The following OTC variants were observed in gnomAD, a reference collection of about 807,000 sequenced individuals.
The protein encoded by OTC is ornithine transcarbamylase, also known as ornithine transcarbamylase, mitochondrial.
Under a neutral mutation model 30.3 loss-of-function variants are expected in OTC, and 3 were observed. The observed-to-expected ratio is 0.10, with a 90% CI of 0.05 to 0.26. The LOEUF is 0.26. Ranked by LOEUF, OTC falls within the 10% of genes least tolerant of loss-of-function variation. The probability of loss-of-function intolerance (pLI) is 1.00; values close to 1 mark genes in which losing one functional copy is unlikely to be tolerated. For missense variants in OTC, 194 were observed against 260.3 expected (o/e 0.75, Z 1.75); for synonymous variants, 111 against 99.7 (o/e 1.11, Z -0.67).
the OTC span, among the ~76,000 whole-genome samples, chrX:38,341,448 A>G: frequency 8.9e-6 from 1 of 112,089 alleles, no homozygotes; most frequent in East Asian, 2.8e-4. Context: ...CTCTAGAGTC[A>G]TTCTGTGTTC....
chrX:38,353,430 T>A (rs1274439806), intron 1 of OTC, among the ~76,000 whole-genome samples: 3 of 110,618 alleles, frequency 2.7e-5, no homozygotes, highest in African/African-American at 9.9e-5. Flanking sequence ...GGGAGATGAG[T>A]TAGCTGGGTA....
At chrX:38,405,265 C>T in intron 6 of OTC, among the ~76,000 whole-genome samples, 1 of 111,841 alleles carries the variant, frequency 8.9e-6, no homozygotes, top group Non-Finnish European at 1.9e-5. Context: ...GCTGCCATAA[C>T]AAATTACTAC....
chrX:38,352,166 C>T (rs893164302), upstream of OTC, among the ~76,000 whole-genome samples: 1 of 65,680 alleles, frequency 1.5e-5, no homozygotes, highest in Non-Finnish European at 3.1e-5. Context: ...CCCAAAATAG[C>T]TTCCAGGGCA....
chrX:38,370,541 A>G (rs995822681), intron 3 of OTC, among the ~76,000 whole-genome samples: 2 of 111,598 alleles, frequency 1.8e-5, no homozygotes, highest in African/African-American at 3.3e-5. Context: ...GAGACAACCA[A>G]GTATAAAGGG....
At chrX:38,360,056 G>A (rs974675021) in intron 1 of OTC, among the ~76,000 whole-genome samples, 1 of 108,560 alleles carries the variant, frequency 9.2e-6, no homozygotes, top group African/African-American at 3.4e-5. Flanking sequence ...GAGTAGCTGG[G>A]ATTACAGGTG....
chrX:38,357,124 C>T (rs920777722), intron 1 of OTC, among the ~76,000 whole-genome samples: 1 of 111,564 alleles, frequency 9.0e-6, no homozygotes, highest in Non-Finnish European at 1.9e-5. Flanking sequence ...TCGCTAATTT[C>T]GTTCACTTTA....
At chrX:38,373,046 A>C (rs2068330089) in intron 3 of OTC, among the ~76,000 whole-genome samples, 1 of 112,249 alleles carries the variant, frequency 8.9e-6, no homozygotes. Flanking sequence ...CATGTTTATT[A>C]AAGTGTAACA....
rs781033717 is a variant in OTC at position 38,408,791 on chromosome X, A to G, written c.713A>G (p.Lys238Arg). 1.4e-5 allele frequency: 17 copies of G among 1,204,392 alleles called. No homozygotes were observed. The highest frequency in any genetic ancestry group is 1.9e-5 in the Non-Finnish European group (17 of 889,993). Residue 238 changes from lysine to arginine, a missense_variant, in exon 7 of 10, where the codon AAA (lysine) becomes AGA (arginine). Physicochemically the swap from Lys to Arg is conservative, Grantham distance 26. Transcript: ENST00000039007. ...ACCAAGTTGGCAGAGCAGTATGCCAAAGAGGTATGCTCTTTACATGTAAAG... is the reference window on the plus strand; with the variant it reads ...ACCAAGTTGGCAGAGCAGTATGCCAGAGAGGTATGCTCTTTACATGTAAAG... ...SVTKLAEQYA[K>R]ENGTKLLLTN...
intron 3 of OTC, among the ~76,000 whole-genome samples, chrX:38,373,022 A>C (rs1003934049): frequency 3.6e-5 from 4 of 112,280 alleles, no homozygotes; most frequent in African/African-American, 1.3e-4. Context: ...TGACCATAGT[A>C]ATTGTTTATG....
chrX:38,341,749 G>A, the OTC span, among the ~76,000 whole-genome samples: 3 of 111,252 alleles, frequency 2.7e-5, no homozygotes, highest in Non-Finnish European at 5.7e-5. Flanking sequence ...CAGGGTCACA[G>A]AAGGACAATA....
chrX:38,385,549 G>C (rs1319187469), intron 4 of OTC, among the ~76,000 whole-genome samples: 2 of 111,766 alleles, frequency 1.8e-5, no homozygotes, highest in Middle Eastern at 4.6e-3. Flanking sequence ...TAGGAAGAGT[G>C]TCACAGAAAG....
Position 38,378,354 on chromosome X carries a change from T to A in OTC, c.299-2988T>A, listed in dbSNP as rs190785846. ...TTCTCCTTCCCTGCTCTGTATTTCT[T>A]ATAGCACTTATCAGTATCTAACATA... On this transcript the variant is annotated intron_variant, in intron 3 of 9. Coordinates refer to ENST00000039007, the MANE Select transcript of OTC (RefSeq NM_000531.6). Among the ~76,000 whole-genome samples the A allele has an allele frequency of 5.0e-3, 537 of 106,974 alleles. 5 individuals are homozygous for A. Among genetic ancestry groups the A allele is most frequent in the African/African-American group, 0.018 (514 of 29,235 alleles). 92.9% of individuals were successfully genotyped at this position (106,974 alleles called of 115,157 possible).
the OTC span, among the ~76,000 whole-genome samples, chrX:38,346,892 T>C: frequency 5.8e-3 from 655 of 112,591 alleles, 5 homozygotes; most frequent in African/African-American, 0.021. Context: ...AATCTACACA[T>C]GTGTTACAAC....
At chrX:38,399,677 G>A (rs991430425) in intron 4 of OTC, among the ~76,000 whole-genome samples, 4 of 110,878 alleles carry the variant, frequency 3.6e-5, no homozygotes, top group Admixed American at 9.6e-5. Flanking sequence ...TACCTGGGAG[G>A]AGGGGGTTGC....
intron 1 of OTC, among the ~76,000 whole-genome samples, chrX:38,365,136 C>G (rs2068289238): frequency 8.9e-6 from 1 of 112,827 alleles, no homozygotes; most frequent in Non-Finnish European, 1.9e-5. Context: ...AGCACAGGCT[C>G]TCTTGTTAGG....
intron 4 of OTC, among the ~76,000 whole-genome samples, chrX:38,388,639 C>T (rs940767834): frequency 9.0e-5 from 10 of 111,569 alleles, no homozygotes; most frequent in East Asian, 2.8e-4. Context: ...TAATGCTCAG[C>T]GTACTACTGA....
chrX:38,414,491 G>A (rs2068559854), intron 9 of OTC, among the ~76,000 whole-genome samples: 1 of 111,534 alleles, frequency 9.0e-6, no homozygotes, highest in African/African-American at 3.3e-5. Context: ...GTGTTAAAAT[G>A]AAAGTAGAGA....
the OTC span, among the ~76,000 whole-genome samples, chrX:38,343,380 T>C: frequency 0.025 from 2,768 of 111,829 alleles, 95 homozygotes; most frequent in African/African-American, 0.085. Flanking sequence ...ACCTCTGTAC[T>C]TCCAATGGGG....
At chrX:38,410,488 T>C (rs957457833) in intron 8 of OTC, among the ~76,000 whole-genome samples, 3 of 112,336 alleles carry the variant, frequency 2.7e-5, no homozygotes, top group Non-Finnish European at 1.9e-5. Flanking sequence ...CACCTCATCT[T>C]TGTTAAAATT....
Sources: allele counts gnomAD v4.1 joint callset (sites outside exome capture counted in the v4.1 genomes callset), GRCh38; gene constraint gnomAD v4.1.1; transcripts MANE v1.5; gene names NCBI Gene and HGNC (gene_info 2026-07-23, HGNC 2026-07-21).